Variants in RAI2 observed in about 807,000 individuals in gnomAD.
The protein encoded by RAI2 is retinoic acid induced 2.
RAI2 carries 5 observed loss-of-function variants against 15.3 expected under a neutral mutation model. That is an observed-to-expected ratio of 0.33 (90% CI 0.17 to 0.69). The LOEUF is 0.69. RAI2 is among the 30% of genes least tolerant of loss of function. The pLI is 0.69. For synonymous variants in RAI2, 191 were observed against 184.0 expected (o/e 1.04, Z -0.31); for missense variants, 424 against 424.7 (o/e 1.00, Z 0.01).
intron 1 of RAI2, among the ~76,000 whole-genome samples, chrX:17,802,273 G>A (rs1569341420): frequency 1.8e-5 from 2 of 112,123 alleles, no homozygotes; most frequent in African/African-American, 3.2e-5. Context: ...TGCAGATGAT[G>A]TAATCAGTAA....
intron 1 of RAI2, among the ~76,000 whole-genome samples, chrX:17,830,699 C>A (rs1047984151): frequency 9.0e-6 from 1 of 111,044 alleles, no homozygotes; most frequent in African/African-American, 3.3e-5. Context: ...TCCATTATTG[C>A]TTCCTTGCAA....
chrX:17,860,870 C>G (rs1054718853), intron 1 of RAI2, among the ~76,000 whole-genome samples: 82 of 105,307 alleles, frequency 7.8e-4, no homozygotes, highest in African/African-American at 2.7e-3. Context: ...AGCGGGGCCC[C>G]GGCGCGCCAC....
Position 17,800,682 on chromosome X carries a change from G to A in RAI2, c.1329C>T (p.Val443=), listed in dbSNP as rs751571708. The change falls in exon 2 of 2, where the codon GTC becomes GTT. Residue 443 remains valine (V), a synonymous_variant. Coordinates refer to ENST00000451717, the MANE Select transcript of RAI2 (RefSeq NM_021785.6). ...AGAATATGGTAGGCACAGCATCTTC[G>A]ACAGAGACAATGACCTTGGCCGCCT... ...ESQAAKVIVS[V]EDAVPTIFCG... 2.1e-5 allele frequency: 26 copies of A among 1,209,427 alleles called. No individual in the cohort carries two copies. Among genetic ancestry groups the A allele is most frequent in the South Asian group, 5.3e-5 (3 of 56,766 alleles).
At position 17,800,762 on chromosome X, in the gene RAI2, G is replaced by A. The variant is rs2066895108; in HGVS notation, c.1249C>T (p.His417Tyr). 3.3e-6 allele frequency: 4 copies of A among 1,209,981 alleles called. No individual in the cohort carries two copies. The highest frequency in any genetic ancestry group is 4.5e-6 in the Non-Finnish European group (4 of 895,275). ...AATEMLSQPN[H>Y]PSGEVKAENN... ...TCAGCCTTGACTTCGCCGCTGGGGTGGTTGGGCTGGCTGAGCATCTCGGTA... is the reference window on the plus strand; with the variant it reads ...TCAGCCTTGACTTCGCCGCTGGGGTAGTTGGGCTGGCTGAGCATCTCGGTA... The change falls in exon 2 of 2, where the codon CAC becomes TAC. Residue 417 changes from histidine (H) to tyrosine (Y), a missense_variant. His to Tyr is a moderately conservative substitution (Grantham distance 83). Transcript: ENST00000451717.
intron 1 of RAI2, among the ~76,000 whole-genome samples, chrX:17,837,016 G>C (rs1169438224): frequency 8.9e-6 from 1 of 112,163 alleles, no homozygotes; most frequent in African/African-American, 3.2e-5. Context: ...GAAAACAGCG[G>C]CATCTGTCTT....
At chrX:17,803,602 A>G (rs2066944997) in intron 1 of RAI2, among the ~76,000 whole-genome samples, 1 of 112,379 alleles carries the variant, frequency 8.9e-6, no homozygotes, top group African/African-American at 3.2e-5. Flanking sequence ...TTAACAAATG[A>G]ACAACTCTGT....
At chrX:17,828,141 T>C (rs1444285576) in intron 1 of RAI2, among the ~76,000 whole-genome samples, 2 of 110,732 alleles carry the variant, frequency 1.8e-5, no homozygotes, top group African/African-American at 3.3e-5. Flanking sequence ...AATAATCTGG[T>C]CCCAAATGGT....
Position 17,800,803 on chromosome X carries a change from C to G in RAI2, c.1208G>C (p.Ser403Thr). Residue 403 changes from serine (S) to threonine (T), a missense_variant, in exon 2 of 2, where the codon AGC becomes ACC. Physicochemically the swap from Ser to Thr is moderately conservative, Grantham distance 58. Coordinates refer to ENST00000451717, the MANE Select transcript of RAI2 (RefSeq NM_021785.6). ...CATCTCGGTAGCAGCATCACTGCTG[C>G]TGATGTGACTATCCATCATGGCTGG... ...EAPAMMDSHI[S>T]SSDAATEMLS... 3 of 1,211,806 alleles carry G rather than the reference C, an allele frequency of 2.5e-6. No individual in the cohort carries two copies. In the Middle Eastern group the frequency reaches 6.9e-4, roughly 278 times the overall value.
At position 17,817,056 on chromosome X, in the gene RAI2, G is replaced by A. The variant is rs916500869; in HGVS notation, c.-24-15022C>T. Among the ~76,000 whole-genome samples the A allele has an allele frequency of 3.6e-5, 4 of 111,761 alleles. No individual in the cohort carries two copies. In the South Asian group the frequency reaches 1.5e-3, roughly 42 times the overall value. On this transcript the variant is annotated intron_variant, in intron 1 of 1. Transcript: ENST00000451717. The stretch of plus-strand genomic sequence containing the variant: ...CGGCTTGCAGGGGGAAGGGCCGCCT[G>A]CCATCAGGAAAAACCATTTGGGGCT...
At chrX:17,856,921 A>G (rs182332983) in intron 1 of RAI2, among the ~76,000 whole-genome samples, 1 of 111,675 alleles carries the variant, frequency 9.0e-6, no homozygotes, top group East Asian at 2.8e-4. Flanking sequence ...GAACTCCAGA[A>G]GTACTAACCT....
chrX:17,803,793 A>C (rs986877519), intron 1 of RAI2, among the ~76,000 whole-genome samples: 1 of 111,508 alleles, frequency 9.0e-6, no homozygotes, highest in African/African-American at 3.3e-5. Flanking sequence ...GTGACCCAGC[A>C]TGCTGGCCAG....
intron 1 of RAI2, among the ~76,000 whole-genome samples, chrX:17,859,666 G>C (rs769568609): frequency 2.6e-4 from 29 of 112,601 alleles, no homozygotes; most frequent in Non-Finnish European, 4.7e-4. Context: ...GCCAGATGAG[G>C]GGGGCCGGCC....
intron 1 of RAI2, among the ~76,000 whole-genome samples, chrX:17,815,142 A>G (rs373796104): frequency 1.8e-5 from 2 of 111,627 alleles, no homozygotes; most frequent in African/African-American, 6.5e-5. Context: ...TGTGTCCTAA[A>G]GCAAGTATCA....
chrX:17,824,649 T>G (rs2067206933), intron 1 of RAI2, among the ~76,000 whole-genome samples: 1 of 111,974 alleles, frequency 8.9e-6, no homozygotes, highest in South Asian at 3.8e-4. Context: ...TGCCCCTGTG[T>G]GGTTAATTAT....
chrX:17,815,841 C>T, intron 1 of RAI2, among the ~76,000 whole-genome samples: 1 of 111,322 alleles, frequency 9.0e-6, no homozygotes, highest in Non-Finnish European at 1.9e-5. Flanking sequence ...ATCAATTAAC[C>T]TTGTGCCCTA....
chrX:17,839,362 G>T (rs1022918092), intron 1 of RAI2, among the ~76,000 whole-genome samples: 3 of 112,225 alleles, frequency 2.7e-5, no homozygotes, highest in African/African-American at 9.7e-5. Context: ...GCCCAGATCA[G>T]CCCTGACCTT....
At chrX:17,834,337 A>G (rs1015189744) in intron 1 of RAI2, among the ~76,000 whole-genome samples, 11 of 111,706 alleles carry the variant, frequency 9.8e-5, no homozygotes, top group East Asian at 2.8e-4. Flanking sequence ...TGAGACTTCA[A>G]AGAAATCACT....
rs918637155 is a variant in RAI2 at position 17,842,656 on chromosome X, A to G, written c.-25+18442T>C. On this transcript the variant is annotated intron_variant, in intron 1 of 1. Coordinates refer to ENST00000451717, the MANE Select transcript of RAI2 (RefSeq NM_021785.6). Reference sequence around the variant, plus strand: ...AGAAGATAAAGAATATATGTATAGGAAAAAAAAAAAAAAAAAAGACTGTGA... The same window carrying G: ...AGAAGATAAAGAATATATGTATAGGGAAAAAAAAAAAAAAAAAGACTGTGA... 1.0e-3 allele frequency among the ~76,000 whole-genome samples: 94 copies of G among 91,316 alleles called. 1 individual carries two copies. The highest frequency in any genetic ancestry group is 5.6e-3 in the Middle Eastern group (1 of 180). 79.3% of individuals were successfully genotyped at this position (91,316 alleles called of 115,157 possible). A position where few individuals can be genotyped will look rare whatever the true frequency, so the allele number is the denominator to read the frequency against.
At chrX:17,826,491 A>T (rs1303415459) in intron 1 of RAI2, among the ~76,000 whole-genome samples, 2 of 111,294 alleles carry the variant, frequency 1.8e-5, no homozygotes, top group East Asian at 5.6e-4. Flanking sequence ...ACAATGCTCA[A>T]TGAATATTTA....
Sources: gnomAD v4.1 joint callset for allele counts (sites outside exome capture counted in the v4.1 genomes callset) on GRCh38, gnomAD v4.1.1 for gene constraint, MANE v1.5 for transcripts, NCBI Gene and HGNC (gene_info 2026-07-23, HGNC 2026-07-21) for gene names.